Variants in IFT43 observed in about 807,000 individuals in gnomAD.
IFT43 encodes the protein intraflagellar transport protein 43 homolog.
IFT43 carries 33 observed loss-of-function variants against 32.3 expected under a neutral mutation model. The observed-to-expected ratio is 1.02, with a 90% CI of 0.77 to 1.37. IFT43 has a LOEUF of 1.37. IFT43 is among the 40% of genes most tolerant of loss of function. The pLI is 0.00. For synonymous variants in IFT43, 93 were observed against 98.2 expected, an observed-to-expected ratio of 0.95 and a Z score of 0.31; for missense variants, 274 against 265.9, an observed-to-expected ratio of 1.03 and a Z score of -0.21.
At chr14:76,070,171 T>C (rs1407426681) in intron 5 of IFT43, among the ~76,000 whole-genome samples, 2 of 152,180 alleles carry the variant, frequency 1.3e-5, no homozygotes, top group African/African-American at 2.4e-5. Flanking sequence ...GGAAGAGATG[T>C]GAGATGCTAG....
intron 5 of IFT43, among the ~76,000 whole-genome samples, chr14:76,078,303 T>A (rs1256470058): frequency 1.3e-5 from 2 of 152,252 alleles, no homozygotes; most frequent in African/African-American, 4.8e-5. Context: ...ATGTTACTTT[T>A]GTTTTAGAAA....
At chr14:76,044,950 A>C (rs1409492799) in intron 3 of IFT43, among the ~76,000 whole-genome samples, 1 of 152,202 alleles carries the variant, frequency 6.6e-6, no homozygotes, top group Non-Finnish European at 1.5e-5. Context: ...AATACAGTAT[A>C]TAGCACATAT....
At chr14:76,075,044 A>T (rs2037388612) in intron 5 of IFT43, among the ~76,000 whole-genome samples, 1 of 152,170 alleles carries the variant, frequency 6.6e-6, no homozygotes, top group Non-Finnish European at 1.5e-5. Context: ...GGGCACCCCA[A>T]ACTGGCACTG....
intron 2 of IFT43, among the ~76,000 whole-genome samples, chr14:76,021,836 G>T (rs2036297158): frequency 6.6e-6 from 1 of 152,220 alleles, no homozygotes; most frequent in Non-Finnish European, 1.5e-5. Flanking sequence ...GACTCACCGG[G>T]AGGGTATGAA....
intron 2 of IFT43, among the ~76,000 whole-genome samples, chr14:75,989,224 C>T (rs2035590538): frequency 6.6e-6 from 1 of 152,044 alleles, no homozygotes; most frequent in Admixed American, 6.6e-5. Flanking sequence ...TTTATGTTAG[C>T]TGAAGCAAGG....
chr14:76,055,529 G>T (rs1207872166), intron 3 of IFT43, among the ~76,000 whole-genome samples: 5 of 152,036 alleles, frequency 3.3e-5, no homozygotes, highest in Non-Finnish European at 7.4e-5. Flanking sequence ...AGGAAAGCTG[G>T]TGGTGCGCCA....
chr14:76,047,166 G>A (rs1279899897), intron 3 of IFT43, among the ~76,000 whole-genome samples: 5 of 152,178 alleles, frequency 3.3e-5, no homozygotes, highest in Non-Finnish European at 7.3e-5. Context: ...TTTTGGAGGG[G>A]CCACATATAT....
intron 5 of IFT43, among the ~76,000 whole-genome samples, chr14:76,079,897 C>CT: frequency 6.7e-6 from 1 of 150,148 alleles, no homozygotes; most frequent in African/African-American, 2.5e-5. Context: ...AGTCTATTTT[C>CT]TTTTTTCTGT....
At chr14:76,062,863 G>T (rs900125513) in intron 5 of IFT43, among the ~76,000 whole-genome samples, 1 of 142,392 alleles carries the variant, frequency 7.0e-6, no homozygotes, top group African/African-American at 2.7e-5. Flanking sequence ...GTTGCAGTGA[G>T]GCGGAGTTTG....
intron 2 of IFT43, among the ~76,000 whole-genome samples, chr14:75,995,384 G>A (rs988515625): frequency 8.5e-5 from 13 of 152,126 alleles, no homozygotes; most frequent in Non-Finnish European, 1.5e-4. Flanking sequence ...ACCCTTATTC[G>A]TTCAGTGGTC....
At chr14:76,030,944 A>T (rs1170552293) in intron 3 of IFT43, among the ~76,000 whole-genome samples, 1 of 151,366 alleles carries the variant, frequency 6.6e-6, no homozygotes, top group Non-Finnish European at 1.5e-5. Flanking sequence ...ATTCCCGTCC[A>T]TCCCATATAG....
chr14:76,022,340 A>G lies in IFT43; in HGVS notation c.161A>G (p.Lys54Arg). ...CTTTCCTTGTAGACTTCCTCTGCTA[A>G]ATTACCTCGCTGCCGACAGGGAGGC... ...LTLTGETSSA[K>R]LPRCRQGGWA... Residue 54 changes from lysine (K) to arginine (R), a missense_variant, in exon 3 of 9, where the codon AAA becomes AGA. Lys to Arg is a conservative substitution (Grantham distance 26). Coordinates refer to ENST00000314067, the MANE Select transcript of IFT43 (RefSeq NM_001102564.3). 1 of 1,613,602 alleles carries G rather than the reference A, an allele frequency of 6.2e-7. No individual in the cohort carries two copies. The highest frequency in any genetic ancestry group is 8.5e-7 in the Non-Finnish European group (1 of 1,179,556).
At chr14:75,999,854 A>G (rs2035849178) in intron 2 of IFT43, among the ~76,000 whole-genome samples, 1 of 152,248 alleles carries the variant, frequency 6.6e-6, no homozygotes, top group African/African-American at 2.4e-5. Flanking sequence ...AAGTGGAGAA[A>G]TAAGAGTTTG....
intron 2 of IFT43, among the ~76,000 whole-genome samples, chr14:76,004,070 C>T (rs2035939065): frequency 6.6e-6 from 1 of 152,202 alleles, no homozygotes; most frequent in Admixed American, 6.5e-5. Context: ...ACCACCACCC[C>T]CAGCCCAGTT....
chr14:76,073,592 T>C (rs1306045635), intron 5 of IFT43, among the ~76,000 whole-genome samples: 1 of 152,144 alleles, frequency 6.6e-6, no homozygotes, highest in Admixed American at 6.5e-5. Flanking sequence ...TGTGTGCGCA[T>C]GTGCACACAT....
intron 5 of IFT43, among the ~76,000 whole-genome samples, chr14:76,061,309 A>G (rs1291002829): frequency 6.6e-6 from 1 of 152,184 alleles, no homozygotes; most frequent in Non-Finnish European, 1.5e-5. Context: ...TTTGTTCCTA[A>G]TATGCCTTGG....
intron 4 of IFT43, chr14:76,059,083 G>T: frequency 7.0e-7 from 1 of 1,435,336 alleles, no homozygotes; most frequent in Non-Finnish European, 9.1e-7. Flanking sequence ...ACTCCCAGGG[G>T]CGGAAGCTGC....
rs565926135 is a variant in IFT43 at position 75,989,348 on chromosome 14, G to A, written c.147+371G>A. 3.9e-5 allele frequency among the ~76,000 whole-genome samples: 6 copies of A among 152,082 alleles called. No individual in the cohort carries two copies. In the South Asian group the frequency reaches 1.0e-3, roughly 26 times the overall value. On this transcript the variant is annotated intron_variant, in intron 2 of 8. Coordinates refer to ENST00000314067, the MANE Select transcript of IFT43 (RefSeq NM_001102564.3). ...GATTACACAATTGGACATTGCTCTC[G>A]GTGGTGACCTGCGCTTTCTACAGTC...
chr14:76,072,439 A>C lies in IFT43; in HGVS notation c.296-9856A>C, dbSNP rs148127055. 2.8e-3 allele frequency among the ~76,000 whole-genome samples: 424 copies of C among 152,316 alleles called. 4 individuals carry two copies. Among genetic ancestry groups the C allele is most frequent in the African/African-American group, 9.7e-3 (403 of 41,580 alleles). Reference sequence around the variant, plus strand: ...CCCTGAAATGTCTGGGTCACACCAGACTTTCCAAACATACCATCACGAACA... The same window carrying C: ...CCCTGAAATGTCTGGGTCACACCAGCCTTTCCAAACATACCATCACGAACA... On this transcript the variant is annotated intron_variant, in intron 5 of 8. Transcript: ENST00000314067.
Sources: gnomAD v4.1 joint callset for allele counts (sites outside exome capture counted in the v4.1 genomes callset) on GRCh38, gnomAD v4.1.1 for gene constraint, MANE v1.5 for transcripts, NCBI Gene and HGNC (gene_info 2026-07-23, HGNC 2026-07-21) for gene names.